CD2AP: variants seen among roughly 807,000 people sequenced by gnomAD.
CD2AP encodes the protein CD2 associated protein.
CD2AP carries 46 observed loss-of-function variants against 85.1 expected under a neutral mutation model. The observed-to-expected ratio is 0.54, with a 90% CI of 0.43 to 0.69. The LOEUF (loss-of-function observed/expected upper bound fraction) is 0.69, where lower values mean the gene tolerates loss of function less well. Among genes scored for constraint, CD2AP ranks in the 30% least tolerant of loss-of-function variants. The pLI, the probability that CD2AP is intolerant of heterozygous loss-of-function variation, is 0.00. For synonymous variants in CD2AP, 255 were observed against 252.9 expected (o/e 1.01, Z -0.08); for missense variants, 769 against 729.5 (o/e 1.05, Z -0.62).
rs1768408148 is a variant in CD2AP at position 47,579,409 on chromosome 6, A to ATCC, written c.928_929insTCC (p.Trp309_Arg310insIle). The ATCC allele has an allele frequency of 6.2e-7, 1 of 1,610,260 alleles. No individual in the cohort carries two copies. Among genetic ancestry groups the ATCC allele is most frequent in the African/African-American group, 1.3e-5 (1 of 74,736 alleles). ...GGAGACTGGAGAAGCTGGCTGGTGGAGGGGCGAACTTAATGGTAAAGAAGG... is the reference window on the plus strand; with the variant it reads ...GGAGACTGGAGAAGCTGGCTGGTGGATCCGGGGCGAACTTAATGGTAAAGAAGG... On this transcript the variant is annotated inframe_insertion, in exon 9 of 18. Transcript: ENST00000359314.
intron 3 of CD2AP, among the ~76,000 whole-genome samples, chr6:47,540,866 T>A (rs1337684793): frequency 2.0e-5 from 3 of 152,226 alleles, no homozygotes; most frequent in South Asian, 2.1e-4. Context: ...ATAATATGGA[T>A]TGTTTGCCTC....
intron 4 of CD2AP, among the ~76,000 whole-genome samples, chr6:47,545,715 G>C (rs939870359): frequency 6.6e-6 from 1 of 152,180 alleles, no homozygotes; most frequent in African/African-American, 2.4e-5. Flanking sequence ...ACAACCCCCA[G>C]TACCAGCCCG....
chr6:47,508,411 A>T (rs563551544), intron 2 of CD2AP, among the ~76,000 whole-genome samples: 1 of 152,294 alleles, frequency 6.6e-6, no homozygotes, highest in South Asian at 2.1e-4. Flanking sequence ...TTCTTCTGCA[A>T]CTTCCTGACC....
At chr6:47,589,572 A>T (rs1472778897) in intron 11 of CD2AP, among the ~76,000 whole-genome samples, 1 of 148,474 alleles carries the variant, frequency 6.7e-6, no homozygotes, top group African/African-American at 2.5e-5. Flanking sequence ...ACACATATAT[A>T]TATATATATT....
chr6:47,555,647 T>C (rs745599031), intron 5 of CD2AP, among the ~76,000 whole-genome samples: 47 of 152,228 alleles, frequency 3.1e-4, no homozygotes, highest in Admixed American at 2.6e-4. Flanking sequence ...GCTTATGTAC[T>C]GAATACTTGT....
At chr6:47,484,469 T>G (rs1765518670) in intron 1 of CD2AP, among the ~76,000 whole-genome samples, 1 of 152,214 alleles carries the variant, frequency 6.6e-6, no homozygotes, top group South Asian at 2.1e-4. Flanking sequence ...AAAGCATATT[T>G]ACTAATTGTT....
intron 4 of CD2AP, among the ~76,000 whole-genome samples, chr6:47,547,645 T>A (rs1266849932): frequency 1.3e-5 from 2 of 152,074 alleles, no homozygotes; most frequent in African/African-American, 2.4e-5. Flanking sequence ...AAAGAAACAG[T>A]GAATTTAAAC....
At chr6:47,624,028 C>CT (rs1769832702) in intron 17 of CD2AP, among the ~76,000 whole-genome samples, 158 bp from the exon 18 acceptor site, 1 of 152,018 alleles carries the variant, frequency 6.6e-6, no homozygotes. Context: ...ACTGTTGAAA[C>CT]TTTATTCAAC....
At chr6:47,571,556 A>G (rs970607035) in intron 5 of CD2AP, among the ~76,000 whole-genome samples, 2 of 152,180 alleles carry the variant, frequency 1.3e-5, no homozygotes, top group Non-Finnish European at 2.9e-5. Flanking sequence ...TGTGTTGCTG[A>G]ACACCTGAAG....
intron 2 of CD2AP, among the ~76,000 whole-genome samples, chr6:47,505,662 C>T (rs1275232006): frequency 1.2e-4 from 11 of 90,242 alleles, no homozygotes; most frequent in South Asian, 4.2e-4. Context: ...GGCGGCTGGC[C>T]GGGTGGGGGG....
Position 47,602,456 on chromosome 6 carries a change from ATTATCT to A in CD2AP, c.1417+3017_1417+3022del, listed in dbSNP as rs1769166549. ...AATCATACATTATCTGAAAAGTAAA[ATTATCT>A]TTAACTTAGTTTTAAAATGTAAGAT... On this transcript the variant is annotated intron_variant, in intron 13 of 17. Transcript: ENST00000359314. Among the ~76,000 whole-genome samples the A allele has an allele frequency of 2.0e-5, 3 of 152,100 alleles. No individual in the cohort carries two copies. The South Asian group carries it at 6.2e-4, about 31-fold the overall frequency.
In CD2AP at chr6:47,590,920, G is replaced by A. The variant is rs181947182; in HGVS notation, c.1109-4941G>A. On this transcript the variant is annotated intron_variant, in intron 11 of 17. Coordinates refer to ENST00000359314, the MANE Select transcript of CD2AP (RefSeq NM_012120.3). ...AATTGAAGAAGACACACAAAAAAAT[G>A]GAAAAATATTCCATGTTTAAGGATT... Among the ~76,000 whole-genome samples the A allele has an allele frequency of 2.5e-4, 38 of 152,160 alleles. No homozygotes were observed. In the East Asian group the frequency reaches 5.4e-3, roughly 22 times the overall value.
At chr6:47,491,035 A>G (rs961120905) in intron 1 of CD2AP, among the ~76,000 whole-genome samples, 13 of 152,124 alleles carry the variant, frequency 8.5e-5, no homozygotes, top group African/African-American at 3.1e-4. Flanking sequence ...TATTAGTAGT[A>G]TTTTGACTAA....
chr6:47,543,833 G>A (rs571545228), intron 3 of CD2AP, among the ~76,000 whole-genome samples: 7 of 152,164 alleles, frequency 4.6e-5, no homozygotes, highest in Non-Finnish European at 8.8e-5. Context: ...TAGATGTGGG[G>A]TGGAGCTTGA....
At chr6:47,507,280 C>A (rs975751614) in intron 2 of CD2AP, among the ~76,000 whole-genome samples, 1 of 152,164 alleles carries the variant, frequency 6.6e-6, no homozygotes, top group African/African-American at 2.4e-5. Flanking sequence ...CAAAGTCATC[C>A]TTTAGTGTTG....
chr6:47,579,518 T>C, intron 9 of CD2AP, 29 bp downstream of exon 9: 3 of 1,342,244 alleles, frequency 2.2e-6, no homozygotes, highest in Non-Finnish European at 3.2e-6. Flanking sequence ...ATGATGATAA[T>C]ACTTGAAAGA....
rs750907570 is a variant in CD2AP, at chr6:47,599,332, A to G, written c.1306A>G (p.Lys436Glu). The change falls in exon 13 of 18, where the codon AAA (lysine) becomes GAA (glutamate). Residue 436 changes from lysine to glutamate, a missense_variant. Physicochemically the swap from Lys to Glu is moderately conservative, Grantham distance 56. Coordinates refer to ENST00000359314, the MANE Select transcript of CD2AP (RefSeq NM_012120.3). ...INGEVSSISS[K>E]FETEPVSKLK... ...TGGGGAAGTTTCTAGCATTTCATCA[A>G]AATTTGAAACTGAGCCAGTATCAAA... 1.2e-5 allele frequency: 20 copies of G among 1,612,558 alleles called. 1 individual carries two copies. The South Asian group carries it at 2.1e-4, about 17-fold the overall frequency.
intron 2 of CD2AP, among the ~76,000 whole-genome samples, chr6:47,525,824 A>G (rs1766706189): frequency 6.6e-6 from 1 of 152,116 alleles, no homozygotes; most frequent in Admixed American, 6.5e-5. Flanking sequence ...TATGGAGATT[A>G]TCCATATTGT....
intron 17 of CD2AP, among the ~76,000 whole-genome samples, chr6:47,622,328 G>T (rs545847408): frequency 6.6e-6 from 1 of 152,290 alleles, no homozygotes; most frequent in African/African-American, 2.4e-5. Flanking sequence ...AACCAGATTT[G>T]CCGCCCTACC....
Sources: gnomAD v4.1 joint callset for allele counts (sites outside exome capture counted in the v4.1 genomes callset) on GRCh38, gnomAD v4.1.1 for gene constraint, MANE v1.5 for transcripts, NCBI Gene and HGNC (gene_info 2026-07-23, HGNC 2026-07-21) for gene names.